PUM1: variants seen among roughly 807,000 people sequenced by gnomAD.
PUM1 encodes the protein pumilio homolog 1.
A neutral mutation model predicts 131.8 loss-of-function variants in PUM1; 13 were observed. That is an observed-to-expected ratio of 0.10 (90% CI 0.06 to 0.16). The LOEUF is 0.16. Among genes scored for constraint, PUM1 ranks in the 10% least tolerant of loss-of-function variants. PUM1 has a pLI of 1.00. For synonymous variants in PUM1, 509 were observed against 556.5 expected (o/e 0.91, Z 1.20); for missense variants, 961 against 1,512.4 (o/e 0.64, Z 6.05).
At chr1:31,051,035 G>C (rs1253022160) in intron 2 of PUM1, 1 of 153,672 alleles carries the variant, frequency 6.5e-6, no homozygotes, top group African/African-American at 2.4e-5. Context: ...TCATTAAATT[G>C]GGCTGCATTA....
At chr1:30,968,725 AC>A (rs1460841946) in intron 10 of PUM1, among the ~76,000 whole-genome samples, 1 of 152,220 alleles carries the variant, frequency 6.6e-6, no homozygotes, top group Non-Finnish European at 1.5e-5. Flanking sequence ...CAAAAAGCAC[AC>A]AAAAGTGATG....
At chr1:30,946,340 A>C (rs1163302812) in intron 17 of PUM1, among the ~76,000 whole-genome samples, 2 of 148,886 alleles carry the variant, frequency 1.3e-5, no homozygotes, top group African/African-American at 2.5e-5. Flanking sequence ...CCTATAATTA[A>C]AAAAAAAAAA....
intron 20 of PUM1, among the ~76,000 whole-genome samples, chr1:30,938,877 A>C (rs1427100114): frequency 1.3e-5 from 1 of 78,342 alleles, no homozygotes; most frequent in African/African-American, 8.0e-5. Flanking sequence ...TCATAGATAG[A>C]GATAGATAGA....
At chr1:31,044,674 A>G (rs1643910888) in intron 2 of PUM1, among the ~76,000 whole-genome samples, 1 of 152,144 alleles carries the variant, frequency 6.6e-6, no homozygotes, top group African/African-American at 2.4e-5. Flanking sequence ...ACTAAAAACT[A>G]CTGAACTATA....
intron 3 of PUM1, among the ~76,000 whole-genome samples, chr1:31,016,923 A>G (rs1004128112): frequency 6.6e-6 from 1 of 152,226 alleles, no homozygotes; most frequent in African/African-American, 2.4e-5. Context: ...AGCACCTTTT[A>G]TAAGCACTGT....
At chr1:30,985,732 GAAGA>G (rs1161154959) in intron 7 of PUM1, among the ~76,000 whole-genome samples, 3 of 151,864 alleles carry the variant, frequency 2.0e-5, no homozygotes, top group Non-Finnish European at 4.4e-5. Flanking sequence ...AGATAACAGG[GAAGA>G]AAGAAAACCA....
At chr1:31,029,372 C>T (rs1229555884) in intron 2 of PUM1, among the ~76,000 whole-genome samples, 4 of 152,180 alleles carry the variant, frequency 2.6e-5, no homozygotes, top group African/African-American at 9.7e-5. Flanking sequence ...AATATCTCTC[C>T]ATATTGGGAG....
chr1:31,034,980 T>C (rs749160601), intron 2 of PUM1, among the ~76,000 whole-genome samples: 1 of 152,154 alleles, frequency 6.6e-6, no homozygotes, highest in African/African-American at 2.4e-5. Flanking sequence ...TAAGAATTAA[T>C]CTAATTTGAA....
intron 3 of PUM1, among the ~76,000 whole-genome samples, chr1:31,010,711 T>C (rs902902394): frequency 6.6e-6 from 1 of 152,178 alleles, no homozygotes; most frequent in African/African-American, 2.4e-5. Flanking sequence ...GAAACAGACC[T>C]TTCTCCAAGC....
intron 3 of PUM1, among the ~76,000 whole-genome samples, chr1:31,026,078 C>T (rs989661953): frequency 3.3e-5 from 5 of 152,042 alleles, no homozygotes; most frequent in Non-Finnish European, 7.4e-5. Context: ...ACAGTGAAAC[C>T]CTGTTTCTAC....
chr1:31,024,519 T>C (rs1643154019), intron 3 of PUM1, among the ~76,000 whole-genome samples: 1 of 152,234 alleles, frequency 6.6e-6, no homozygotes, highest in Non-Finnish European at 1.5e-5. Context: ...TGTTTTTCTA[T>C]GCTTCAGCTT....
chr1:31,034,254 T>G (rs1017418547), intron 2 of PUM1, among the ~76,000 whole-genome samples: 5 of 152,214 alleles, frequency 3.3e-5, no homozygotes, highest in African/African-American at 1.2e-4. Context: ...TGGAGCCGAT[T>G]TGACTAGTTG....
intron 15 of PUM1, 130 bp from the exon 16 acceptor site, chr1:30,952,493 C>CA: frequency 7.5e-7 from 1 of 1,339,426 alleles, no homozygotes; most frequent in South Asian, 1.5e-5. Flanking sequence ...CACATGCACA[C>CA]AATAAACCAA....
chr1:30,962,130 C>T (rs1173172817), intron 14 of PUM1, among the ~76,000 whole-genome samples: 1 of 152,178 alleles, frequency 6.6e-6, no homozygotes. Context: ...ATGCACTACA[C>T]ACAACAGAAG....
intron 2 of PUM1, among the ~76,000 whole-genome samples, chr1:31,035,842 G>A (rs924861218): frequency 1.3e-5 from 2 of 151,874 alleles, no homozygotes; most frequent in Admixed American, 1.3e-4. Context: ...TACTGGAGGA[G>A]AAAAAAACCA....
chr1:30,979,316 A>G (rs1383073147), intron 9 of PUM1, among the ~76,000 whole-genome samples: 1 of 152,206 alleles, frequency 6.6e-6, no homozygotes, highest in Non-Finnish European at 1.5e-5. Flanking sequence ...GCAAACTAAA[A>G]TCAGATCTGT....
intron 9 of PUM1, among the ~76,000 whole-genome samples, chr1:30,979,051 C>T (rs754903348): frequency 1.0e-4 from 15 of 150,074 alleles, no homozygotes; most frequent in East Asian, 1.9e-4. Context: ...TTACAGTGAA[C>T]TGTATTCACG....
intron 3 of PUM1, among the ~76,000 whole-genome samples, chr1:31,013,549 G>C (rs1440211238): frequency 1.3e-5 from 2 of 152,162 alleles, no homozygotes; most frequent in Non-Finnish European, 2.9e-5. Context: ...AGTTTCACTG[G>C]AATGCAGCCA....
intron 3 of PUM1, among the ~76,000 whole-genome samples, chr1:31,014,845 A>G (rs1475690820): frequency 6.6e-6 from 1 of 152,060 alleles, no homozygotes; most frequent in Non-Finnish European, 1.5e-5. Flanking sequence ...ACAATAAATT[A>G]GCTGTGGGCC....
Sources: allele counts gnomAD v4.1 joint callset (sites outside exome capture counted in the v4.1 genomes callset), GRCh38; gene constraint gnomAD v4.1.1; transcripts MANE v1.5; gene names NCBI Gene and HGNC (gene_info 2026-07-23, HGNC 2026-07-21).